CDK15: variants seen among roughly 807,000 people sequenced by gnomAD.
CDK15 encodes the protein cyclin dependent kinase 15.
In CDK15, 62 loss-of-function variants were observed where a neutral mutation model predicts 60.3. That is an observed-to-expected ratio of 1.03 (90% confidence interval 0.84 to 1.27). CDK15 has a LOEUF of 1.27. Ranked by LOEUF, CDK15 falls within the 50% of genes most tolerant of loss-of-function variation. The pLI is 0.00. For missense variants in CDK15, 541 were observed against 527.8 expected (o/e 1.03, Z -0.25); for synonymous variants, 194 against 195.7 (o/e 0.99, Z 0.07).
chr2:201,812,529 G>A lies in CDK15; in HGVS notation c.415G>A (p.Glu139Lys). ...VALKVISMNA[E>K]EGVPFTAIRE... ...TTTAAAAGTCATCAGCATGAATGCA[G>A]AGGAAGGAGTCCCATTTACAGCTAT... The change falls in exon 4 of 14, where the codon GAG becomes AAG. Residue 139 changes from glutamate (E) to lysine (K), a missense_variant. Physicochemically the swap from Glu to Lys is moderately conservative, Grantham distance 56. Coordinates refer to ENST00000652192, the MANE Select transcript of CDK15 (RefSeq NM_001366386.2). The A allele has an allele frequency of 6.2e-7, 1 of 1,613,246 alleles. No homozygotes were observed. The highest frequency in any genetic ancestry group is 1.1e-5 in the South Asian group (1 of 91,022).
chr2:201,823,350 TG>T (rs1696315649), intron 5 of CDK15, among the ~76,000 whole-genome samples: 1 of 152,222 alleles, frequency 6.6e-6, no homozygotes, highest in African/African-American at 2.4e-5. Context: ...ATAAGGTATG[TG>T]TACTTGACTT....
rs1331577843 is a variant in CDK15 at position 201,895,229 on chromosome 2, C to G, written c.*1962C>G. Reference sequence around the variant, plus strand: ...CAATGTCCCGTCTAATTCCAAGATTCTCCAATAATGACTTTGGAACAGCTG... The same window carrying G: ...CAATGTCCCGTCTAATTCCAAGATTGTCCAATAATGACTTTGGAACAGCTG... On this transcript the variant is annotated 3_prime_UTR_variant, in exon 14 of 14. Coordinates refer to ENST00000652192, the MANE Select transcript of CDK15 (RefSeq NM_001366386.2). The G allele has an allele frequency of 1.3e-5, 2 of 152,190 alleles. No individual in the cohort carries two copies. The highest frequency in any genetic ancestry group is 2.9e-5 in the Non-Finnish European group (2 of 68,032). 9.4% of individuals were successfully genotyped at this position (152,190 alleles called of 1,614,324 possible). A position where few individuals can be genotyped will look rare whatever the true frequency, so the allele number is the denominator to read the frequency against.
intron 3 of CDK15, chr2:201,808,652 T>C (rs1403579164): frequency 6.6e-6 from 1 of 151,990 alleles, no homozygotes; most frequent in Non-Finnish European, 1.5e-5. Context: ...AATGGCTCAA[T>C]AGTGGTTAAA....
At chr2:201,878,273 GAC>G (rs1699155304) in intron 11 of CDK15, among the ~76,000 whole-genome samples, 1 of 152,124 alleles carries the variant, frequency 6.6e-6, no homozygotes, top group African/African-American at 2.4e-5. Context: ...GAAACATGAA[GAC>G]CCACAAGCCA....
rs138628299 is a variant in CDK15, at chr2:201,887,774, C to T, written c.1199-3011C>T. 2.3e-3 allele frequency among the ~76,000 whole-genome samples: 349 copies of T among 152,318 alleles called. 2 individuals carry two copies. Among genetic ancestry groups the T allele is most frequent in the African/African-American group, 7.9e-3 (329 of 41,574 alleles). ...AATGTATGTGTATTGTGCCCCTAGT[C>T]AGAGTTTTAAGTGCACTTCGTGTTA... is the stretch of plus-strand genomic sequence containing the variant. On this transcript the variant is annotated intron_variant, in intron 12 of 13. Transcript: ENST00000652192.
chr2:201,865,886 T>A (rs541606413), intron 10 of CDK15, among the ~76,000 whole-genome samples: 2 of 64,210 alleles, frequency 3.1e-5, no homozygotes, highest in South Asian at 9.9e-4. Context: ...CAAGATTCCA[T>A]CTCAACAAAA....
At chr2:201,841,048 C>A in intron 8 of CDK15, among the ~76,000 whole-genome samples, 1 of 152,208 alleles carries the variant, frequency 6.6e-6, no homozygotes, top group East Asian at 1.9e-4. Context: ...TCATATTTTC[C>A]ATTTCCTTAA....
At chr2:201,808,918 A>T (rs926284886) in intron 3 of CDK15, 1 of 43,328 alleles carries the variant, frequency 2.3e-5, no homozygotes, top group South Asian at 1.5e-3. Context: ...TTATTTTATT[A>T]TTTATATATT....
At chr2:201,807,420 GA>G (rs3214362) in intron 1 of CDK15, 73 bp from the exon 2 acceptor site, 1 of 1,459,666 alleles carries the variant, frequency 6.9e-7, no homozygotes, top group Non-Finnish European at 9.3e-7. Flanking sequence ...GGCAAATAAA[GA>G]AAAAATGGTT....
chr2:201,824,056 G>C (rs930483716), intron 6 of CDK15, among the ~76,000 whole-genome samples: 5 of 152,052 alleles, frequency 3.3e-5, no homozygotes, highest in African/African-American at 7.2e-5. Context: ...AGTAAAGCTA[G>C]GCCATCAAAA....
chr2:201,831,124 C>CA (rs1253532142), intron 6 of CDK15, among the ~76,000 whole-genome samples: 14 of 152,270 alleles, frequency 9.2e-5, no homozygotes, highest in African/African-American at 3.1e-4. Flanking sequence ...AAGGAATAGT[C>CA]AGAGGCTTAT....
chr2:201,854,932 A>T lies in CDK15; in HGVS notation c.1004A>T (p.Asn335Ile), dbSNP rs371256915. Residue 335 changes from asparagine (N) to isoleucine (I), a missense_variant, in exon 10 of 14, where the codon AAT (asparagine) becomes ATT (isoleucine). Asn to Ile is a moderately radical substitution (Grantham distance 149). Coordinates refer to ENST00000652192, the MANE Select transcript of CDK15 (RefSeq NM_001366386.2). ...GGAGTCTCCAAGCTACCTAACTACA[A>T]TCCAGGTAATATTGATCTGAGCTTC... ...WPGVSKLPNY[N>I]PEWFPLPTPR... 3.7e-6 allele frequency: 6 copies of T among 1,613,700 alleles called. No homozygotes were observed. The highest frequency in any genetic ancestry group is 4.2e-6 in the Non-Finnish European group (5 of 1,179,740).
At chr2:201,828,161 T>A (rs1696589182) in intron 6 of CDK15, among the ~76,000 whole-genome samples, 1 of 152,178 alleles carries the variant, frequency 6.6e-6, no homozygotes, top group Admixed American at 6.5e-5. Context: ...GGAGTCCTGT[T>A]TCAGACGTGT....
Position 201,823,015 on chromosome 2 carries a change from T to C in CDK15, c.543+112T>C, listed in dbSNP as rs1696302485. 7 of 708,030 alleles carry C rather than the reference T, an allele frequency of 9.9e-6. No individual in the cohort carries two copies. In the East Asian group the frequency reaches 1.8e-4, roughly 18 times the overall value. 43.9% of individuals were successfully genotyped at this position (708,030 alleles called of 1,614,324 possible). A position where few individuals can be genotyped will look rare whatever the true frequency, so the allele number is the denominator to read the frequency against. On this transcript the variant is annotated intron_variant, in intron 5 of 13. Coordinates refer to ENST00000652192, the MANE Select transcript of CDK15 (RefSeq NM_001366386.2). Reference sequence around the variant, plus strand: ...AACTTTTATTATAATGTGAAAAGTATCATGGAAATTTTCATTATTGTGATT... The same window carrying C: ...AACTTTTATTATAATGTGAAAAGTACCATGGAAATTTTCATTATTGTGATT...
chr2:201,842,359 A>G (rs1574889057), intron 8 of CDK15, among the ~76,000 whole-genome samples: 1 of 152,182 alleles, frequency 6.6e-6, no homozygotes. Context: ...TCATCTATTC[A>G]GTATCAGTTT....
At chr2:201,830,580 G>A (rs1233253106) in intron 6 of CDK15, among the ~76,000 whole-genome samples, 1 of 152,182 alleles carries the variant, frequency 6.6e-6, no homozygotes, top group African/African-American at 2.4e-5. Flanking sequence ...GTCTGAAGTG[G>A]ATTGGAGAAG....
intron 11 of CDK15, among the ~76,000 whole-genome samples, chr2:201,877,971 C>T (rs1355063598): frequency 6.6e-6 from 1 of 152,168 alleles, no homozygotes; most frequent in African/African-American, 2.4e-5. Context: ...ATCATGGCAC[C>T]TGGAAGGGAA....
At chr2:201,854,796 C>A in intron 9 of CDK15, 78 bp from the exon 10 acceptor site, 1 of 1,221,454 alleles carries the variant, frequency 8.2e-7, no homozygotes, top group South Asian at 1.2e-5. Context: ...CCTGATTTGT[C>A]CTGCATGTCT....
intron 8 of CDK15, among the ~76,000 whole-genome samples, chr2:201,843,568 T>C (rs1697498391): frequency 1.3e-5 from 2 of 152,212 alleles, no homozygotes; most frequent in Admixed American, 6.5e-5. Flanking sequence ...TGTACTGAAA[T>C]AAAATTGATT....
Sources: allele counts gnomAD v4.1 joint callset (sites outside exome capture counted in the v4.1 genomes callset), GRCh38; gene constraint gnomAD v4.1.1; transcripts MANE v1.5; gene names NCBI Gene and HGNC (gene_info 2026-07-23, HGNC 2026-07-21).